DENND1A: variants seen among roughly 807,000 people sequenced by gnomAD.
DENND1A encodes the protein DENN domain containing 1A.
A neutral mutation model predicts 113.7 loss-of-function variants in DENND1A; 51 were observed. The observed-to-expected ratio is 0.45, with a 90% CI of 0.36 to 0.57. DENND1A has a LOEUF of 0.57. DENND1A is among the 20% of genes least tolerant of loss of function. The pLI is 0.00. For missense variants in DENND1A, 1,258 were observed against 1,395.9 expected (o/e 0.90, Z 1.57); for synonymous variants, 565 against 570.8 (o/e 0.99, Z 0.14).
chr9:123,833,067 G>A (rs1840493601), intron 2 of DENND1A, among the ~76,000 whole-genome samples: 1 of 137,690 alleles, frequency 7.3e-6, no homozygotes, highest in Non-Finnish European at 1.5e-5. Flanking sequence ...TGAGGCTACA[G>A]TGTGCTATGA....
At position 123,557,687 on chromosome 9, in the gene DENND1A, G is replaced by A; in HGVS notation, c.876C>T (p.Ser292=). Residue 292 remains serine, a synonymous_variant, in exon 13 of 24, where the codon TCC becomes TCT. Coordinates refer to ENST00000394215, the MANE Select transcript of DENND1A (RefSeq NM_001352964.2). ...AGACCTTTTTCAGCCTGTTCTTCAG[G>A]GAAGAGATCTGGTGATGGAGAGAAG... The part of the protein sequence containing the change: ...LQSLPNDVIS[S]LKNRLKKVST... 6.2e-7 allele frequency: 1 copy of A among 1,613,712 alleles called. No homozygotes were observed. Among genetic ancestry groups the A allele is most frequent in the Non-Finnish European group, 8.5e-7 (1 of 1,179,794 alleles).
At chr9:123,632,974 C>G (rs1414527229) in intron 9 of DENND1A, among the ~76,000 whole-genome samples, 3 of 152,094 alleles carry the variant, frequency 2.0e-5, no homozygotes, top group Non-Finnish European at 4.4e-5. Flanking sequence ...GTGGCACGAT[C>G]TCGGCTCACT....
intron 5 of DENND1A, among the ~76,000 whole-genome samples, chr9:123,693,719 C>A (rs1473607184): frequency 1.3e-5 from 2 of 151,900 alleles, no homozygotes; most frequent in Non-Finnish European, 2.9e-5. Flanking sequence ...AGCTGCCACT[C>A]CACCTCAAGT....
At chr9:123,399,524 T>C (rs1417879088) in intron 21 of DENND1A, among the ~76,000 whole-genome samples, 2 of 152,160 alleles carry the variant, frequency 1.3e-5, no homozygotes, top group Non-Finnish European at 2.9e-5. Flanking sequence ...CACGCCACCA[T>C]GCCCGGCTAA....
chr9:123,766,186 C>T (rs7027948), intron 4 of DENND1A, among the ~76,000 whole-genome samples: 1,581 of 152,262 alleles, frequency 0.01, 32 homozygotes, highest in African/African-American at 0.035. Flanking sequence ...TTAGGCTCTC[C>T]CTCCCACTTG....
chr9:123,881,238 C>G (rs1293691596), intron 1 of DENND1A, among the ~76,000 whole-genome samples: 1 of 152,050 alleles, frequency 6.6e-6, no homozygotes, highest in Admixed American at 6.5e-5. Flanking sequence ...GCTCTTTTTT[C>G]CCTGCAAGAG....
chr9:123,918,475 G>A (rs1855635422), intron 1 of DENND1A, among the ~76,000 whole-genome samples: 2 of 144,368 alleles, frequency 1.4e-5, no homozygotes, highest in African/African-American at 5.2e-5. Flanking sequence ...GCAATAGAGG[G>A]AGACTCCGTC....
At chr9:123,493,210 C>G (rs1329294820) in intron 13 of DENND1A, 2 of 152,324 alleles carry the variant, frequency 1.3e-5, no homozygotes, top group African/African-American at 4.8e-5. Context: ...ACGGCTTCAT[C>G]CTCAGGAAGC....
At chr9:123,890,334 T>C (rs1158934847) in intron 1 of DENND1A, among the ~76,000 whole-genome samples, 1 of 152,046 alleles carries the variant, frequency 6.6e-6, no homozygotes, top group East Asian at 1.9e-4. Context: ...AGCTTCACCA[T>C]CTCCCCAGAA....
intron 2 of DENND1A, among the ~76,000 whole-genome samples, chr9:123,870,083 A>T (rs1023515249): frequency 6.6e-6 from 1 of 152,104 alleles, no homozygotes; most frequent in African/African-American, 2.4e-5. Flanking sequence ...GGAAAATGCA[A>T]GATAAAAAAA....
At chr9:123,868,899 T>C (rs1318836758) in intron 2 of DENND1A, among the ~76,000 whole-genome samples, 2 of 152,184 alleles carry the variant, frequency 1.3e-5, no homozygotes, top group Admixed American at 6.5e-5. Flanking sequence ...ATTTAGAGCA[T>C]CACCATAGTA....
chr9:123,571,263 T>C (rs2058342999), intron 12 of DENND1A, among the ~76,000 whole-genome samples: 1 of 152,210 alleles, frequency 6.6e-6, no homozygotes. Flanking sequence ...ACTCCACCTT[T>C]AAAATTAATT....
chr9:123,583,358 A>T, intron 11 of DENND1A, 88 bp from the exon 12 acceptor site: 1 of 941,988 alleles, frequency 1.1e-6, no homozygotes, highest in Non-Finnish European at 1.6e-6. Flanking sequence ...AGAGGCATAG[A>T]GAAGGAAAGT....
intron 3 of DENND1A, among the ~76,000 whole-genome samples, chr9:123,772,218 A>T (rs1455544379): frequency 6.6e-6 from 1 of 152,214 alleles, no homozygotes; most frequent in Non-Finnish European, 1.5e-5. Context: ...TTTTCCTTAC[A>T]CATAAACATT....
chr9:123,728,490 A>ACAAAAAAACAAAAAAAC (rs2067894142), intron 5 of DENND1A, among the ~76,000 whole-genome samples: 3 of 142,108 alleles, frequency 2.1e-5, no homozygotes, highest in African/African-American at 8.0e-5. Flanking sequence ...AAAAAAAAAA[A>ACAAAAAAACAAAAAAAC]AAAAAAAAAA....
chr9:123,736,681 T>A (rs770592296), intron 5 of DENND1A, among the ~76,000 whole-genome samples: 1 of 152,170 alleles, frequency 6.6e-6, no homozygotes, highest in African/African-American at 2.4e-5. Context: ...AAGAAAACAA[T>A]TGTCAAAAAA....
At chr9:123,868,832 T>C (rs142905175) in intron 2 of DENND1A, among the ~76,000 whole-genome samples, 1 of 152,296 alleles carries the variant, frequency 6.6e-6, no homozygotes, top group East Asian at 1.9e-4. Flanking sequence ...AAAGAAAATA[T>C]ATGGCTCACT....
chr9:123,521,031 C>T (rs979066038), intron 13 of DENND1A, among the ~76,000 whole-genome samples: 4 of 152,292 alleles, frequency 2.6e-5, no homozygotes, highest in East Asian at 3.9e-4. Flanking sequence ...ATTTCAAACA[C>T]GGTTCTACCA....
intron 5 of DENND1A, among the ~76,000 whole-genome samples, chr9:123,678,810 C>T (rs1157032796): frequency 6.6e-6 from 1 of 152,246 alleles, no homozygotes. Context: ...TTGACTATTA[C>T]ATAGCAAATG....
Sources: gnomAD v4.1 joint callset for allele counts (sites outside exome capture counted in the v4.1 genomes callset) on GRCh38, gnomAD v4.1.1 for gene constraint, MANE v1.5 for transcripts, NCBI Gene and HGNC (gene_info 2026-07-23, HGNC 2026-07-21) for gene names.